The following PTPN12 variants were observed in gnomAD, a reference collection of about 807,000 sequenced individuals.
PTPN12 encodes protein tyrosine phosphatase non-receptor type 12, also known as tyrosine-protein phosphatase non-receptor type 12.
A neutral mutation model predicts 97.6 loss-of-function variants in PTPN12; 29 were observed. The observed-to-expected ratio is 0.30, with a 90% CI of 0.22 to 0.41. The LOEUF (loss-of-function observed/expected upper bound fraction) is 0.41. Among genes scored for constraint, PTPN12 ranks in the 10% least tolerant of loss-of-function variants. PTPN12 has a pLI of 1.00. For synonymous variants in PTPN12, 327 were observed against 300.4 expected, an observed-to-expected ratio of 1.09 and a Z score of -0.91; for missense variants, 819 against 926.0, an observed-to-expected ratio of 0.88 and a Z score of 1.50.
intron 4 of PTPN12, among the ~76,000 whole-genome samples, chr7:77,584,155 G>A (rs2286894): frequency 0.19 from 28,164 of 152,124 alleles, 3,751 homozygotes; most frequent in East Asian, 0.7. Flanking sequence ...AGAATACTGC[G>A]AAGAGCTACC....
chr7:77,583,445 T>A, intron 3 of PTPN12, 110 bp from the exon 4 acceptor site: 1 of 692,456 alleles, frequency 1.4e-6, no homozygotes, highest in Non-Finnish European at 2.4e-6. Context: ...TGGAAATGGT[T>A]TAAGTTAAAA....
At chr7:77,580,073 GT>G (rs1787465289) in intron 2 of PTPN12, among the ~76,000 whole-genome samples, 1 of 152,158 alleles carries the variant, frequency 6.6e-6, no homozygotes, top group Non-Finnish European at 1.5e-5. Flanking sequence ...TTGTAGTAAT[GT>G]TTTTAATAGG....
intron 15 of PTPN12, among the ~76,000 whole-genome samples, chr7:77,636,052 T>G (rs770435160): frequency 6.6e-6 from 1 of 152,200 alleles, no homozygotes; most frequent in Non-Finnish European, 1.5e-5. Context: ...GGTAACCTGA[T>G]CTACATACAA....
chr7:77,575,937 C>T (rs542282192), intron 2 of PTPN12, among the ~76,000 whole-genome samples: 32 of 152,186 alleles, frequency 2.1e-4, no homozygotes, highest in African/African-American at 6.0e-4. Context: ...CTGCGACCTC[C>T]GCCTCCCAGG....
chr7:77,620,799 T>A (rs1272552603), intron 12 of PTPN12, among the ~76,000 whole-genome samples: 1 of 150,908 alleles, frequency 6.6e-6, no homozygotes, highest in African/African-American at 2.4e-5. Flanking sequence ...AATAGAAAAA[T>A]TAGCCAGGCG....
intron 9 of PTPN12, among the ~76,000 whole-genome samples, chr7:77,608,102 T>G (rs1788437447): frequency 6.6e-6 from 1 of 152,170 alleles, no homozygotes; most frequent in East Asian, 1.9e-4. Flanking sequence ...TCACTCAGTA[T>G]GTATTTATGC....
intron 5 of PTPN12, 28 bp from the exon 6 acceptor site, chr7:77,592,153 ATTAC>A (rs1178436932): frequency 6.5e-7 from 1 of 1,548,096 alleles, no homozygotes; most frequent in South Asian, 1.2e-5. Context: ...ACTTACATGA[ATTAC>A]TTACTAATTT....
In PTPN12 at chr7:77,627,582, A is replaced by T; in HGVS notation, c.1903A>T (p.Thr635Ser). Residue 635 changes from threonine (T) to serine (S), a missense_variant, in exon 13 of 18, where the codon ACT becomes TCT. By Grantham distance (58) the Thr-to-Ser change is moderately conservative. This residue lies in a region of PTPN12 where 607 missense variants were observed against 577.3 expected (regional missense o/e 1.05). Coordinates refer to ENST00000248594, the MANE Select transcript of PTPN12 (RefSeq NM_002835.4). ...AGCAAGTGCCACAGTTTCTGCTGCC[A>T]CTAGTACTGAAAGCATTTCTACTAG... ...STASATVSAATSTESISTRKV... is the reference protein window; with the variant it reads ...STASATVSAASSTESISTRKV... The T allele has an allele frequency of 6.2e-7, 1 of 1,613,818 alleles. No homozygotes were observed.
rs796166537 is a variant in PTPN12 at position 77,625,253 on chromosome 7, G to T, written c.1026-1452G>T. On this transcript the variant is annotated intron_variant, in intron 12 of 17. Transcript: ENST00000248594. ...ATAGTAAACCCTATCTTCTTCTTTG[G>T]TTTTTTTTTTTTTTTGAGACAGGAT... Among the ~76,000 whole-genome samples, 24 of 139,360 alleles carry T rather than the reference G, an allele frequency of 1.7e-4. No homozygotes were observed. In the East Asian group the frequency reaches 1.9e-3, roughly 11 times the overall value. 91.4% of individuals were successfully genotyped at this position (139,360 alleles called of 152,430 possible). A position where few individuals can be genotyped will look rare whatever the true frequency, so the allele number is the denominator to read the frequency against.
At chr7:77,626,278 C>T (rs534061631) in intron 12 of PTPN12, among the ~76,000 whole-genome samples, 109 of 152,078 alleles carry the variant, frequency 7.2e-4, no homozygotes, top group African/African-American at 2.3e-3. Flanking sequence ...TGCAGTCATA[C>T]GACTGAGGTA....
intron 11 of PTPN12, among the ~76,000 whole-genome samples, chr7:77,614,378 TC>T (rs1197823350): frequency 6.6e-6 from 1 of 152,172 alleles, no homozygotes; most frequent in African/African-American, 2.4e-5. Context: ...ATAGGCTCTT[TC>T]TGTCTAATAG....
At chr7:77,574,989 G>A (rs1442631552) in intron 2 of PTPN12, among the ~76,000 whole-genome samples, 2 of 151,738 alleles carry the variant, frequency 1.3e-5, no homozygotes, top group East Asian at 3.9e-4. Flanking sequence ...CTGCCACCAT[G>A]CCCAGCTAAT....
chr7:77,600,551 A>G, intron 7 of PTPN12, 113 bp from the exon 8 acceptor site: 1 of 844,930 alleles, frequency 1.2e-6, no homozygotes, highest in Non-Finnish European at 1.8e-6. Context: ...GTTTTTTTAA[A>G]AGCAGTGCTA....
At chr7:77,625,472 G>GCTTGCGCGCTCTCTCTCTCTCTCT (rs1554326598) in intron 12 of PTPN12, among the ~76,000 whole-genome samples, 7 of 33,530 alleles carry the variant, frequency 2.1e-4, no homozygotes, top group African/African-American at 8.0e-4. Context: ...CAGGCTGCTC[G>GCTTGCGCGCTCTCTCTCTCTCTCT]CTCTCTCTCT....
chr7:77,616,792 T>G (rs756227070), intron 11 of PTPN12, among the ~76,000 whole-genome samples: 35 of 150,942 alleles, frequency 2.3e-4, no homozygotes, highest in Non-Finnish European at 4.7e-4. Context: ...TACTTTTTTG[T>G]TTTTTTTTGA....
At chr7:77,576,525 C>T (rs892329593) in intron 2 of PTPN12, among the ~76,000 whole-genome samples, 31 of 152,012 alleles carry the variant, frequency 2.0e-4, no homozygotes, top group Non-Finnish European at 4.3e-4. Flanking sequence ...GGTGAAACCC[C>T]GCCTCTACTA....
chr7:77,589,304 A>T (rs531546864), intron 5 of PTPN12, among the ~76,000 whole-genome samples: 1 of 152,164 alleles, frequency 6.6e-6, no homozygotes, highest in Non-Finnish European at 1.5e-5. Flanking sequence ...TTTTTATGCT[A>T]TGTCGAAGTA....
intron 13 of PTPN12, among the ~76,000 whole-genome samples, 169 bp from the exon 14 acceptor site, chr7:77,632,179 T>C (rs1224551387): frequency 6.6e-6 from 1 of 152,248 alleles, no homozygotes; most frequent in East Asian, 1.9e-4. Flanking sequence ...CTTTGCTCAA[T>C]AAGCATCATA....
At chr7:77,548,817 A>G (rs1807343064) in intron 1 of PTPN12, among the ~76,000 whole-genome samples, 2 of 152,198 alleles carry the variant, frequency 1.3e-5, no homozygotes, top group African/African-American at 4.8e-5. Context: ...CAGAACCAAG[A>G]AATAGAGAGC....
Sources: allele counts gnomAD v4.1 joint callset (sites outside exome capture counted in the v4.1 genomes callset), GRCh38; gene constraint gnomAD v4.1.1; regional missense constraint gnomAD v4.1.1; transcripts MANE v1.5; gene names NCBI Gene and HGNC (gene_info 2026-07-23, HGNC 2026-07-21).